COA5: variants seen among roughly 807,000 people sequenced by gnomAD.
COA5 encodes protein C2orf64.
In COA5, 11 loss-of-function variants were observed where a neutral mutation model predicts 11.8. The observed-to-expected ratio is 0.93, with a 90% CI of 0.59 to 1.54. COA5 has a LOEUF of 1.54. Ranked by LOEUF, COA5 falls within the 40% of genes most tolerant of loss-of-function variation. The pLI is 0.00. For missense variants in COA5, 87 were observed against 89.2 expected, an observed-to-expected ratio of 0.97 and a Z score of 0.10; for synonymous variants, 38 against 37.5, an observed-to-expected ratio of 1.01 and a Z score of -0.05.
intron 1 of COA5, among the ~76,000 whole-genome samples, chr2:98,607,559 AT>A (rs976490683): frequency 5.9e-5 from 9 of 152,146 alleles, no homozygotes; most frequent in Admixed American, 5.9e-4. Context: ...CTGAAACTAC[AT>A]CCCCCAATGC....
In COA5 at chr2:98,608,274, G is replaced by A. The variant is rs755412859; in HGVS notation, c.99+33C>T. 5 of 1,514,068 alleles carry A rather than the reference G, an allele frequency of 3.3e-6. No homozygotes were observed. The Middle Eastern group carries it at 6.2e-4, about 188-fold the overall frequency. 93.8% of individuals were successfully genotyped at this position (1,514,068 alleles called of 1,614,324 possible). A position where few individuals can be genotyped will look rare whatever the true frequency, so the allele number is the denominator to read the frequency against. ...CGAGCCAGGCCTGCCTGGGACAGGG[G>A]TCGTCACCACCGGGAGCGCCCGGCC... On this transcript the variant is annotated intron_variant, in intron 1 of 2. Coordinates refer to ENST00000328709, the MANE Select transcript of COA5 (RefSeq NM_001008215.3).
chr2:98,602,259 G>A (rs1323791322), intron 2 of COA5: 2 of 152,086 alleles, frequency 1.3e-5, no homozygotes, highest in African/African-American at 4.8e-5. Flanking sequence ...TATATTTCTG[G>A]GTTTTTTGCC....
At chr2:98,607,262 G>A (rs1700719657) in intron 1 of COA5, among the ~76,000 whole-genome samples, 1 of 152,204 alleles carries the variant, frequency 6.6e-6, no homozygotes, top group African/African-American at 2.4e-5. Context: ...TTTACCAGGA[G>A]CTGGCTGAAC....
At chr2:98,603,402 A>T (rs545384707) in intron 2 of COA5, among the ~76,000 whole-genome samples, 5 of 152,070 alleles carry the variant, frequency 3.3e-5, no homozygotes, top group Non-Finnish European at 7.4e-5. Flanking sequence ...AATCTCTTGA[A>T]CCCAGGAGGC....
chr2:98,608,323 G>A lies in COA5; in HGVS notation c.83C>T (p.Ser28Leu). Residue 28 changes from serine to leucine, a missense_variant, in exon 1 of 3, where the codon TCG (serine) becomes TTG (leucine). Ser to Leu is a moderately radical substitution (Grantham distance 145, BLOSUM62 -2). Coordinates refer to ENST00000328709, the MANE Select transcript of COA5 (RefSeq NM_001008215.3). Reference protein sequence around the residue: ...KEDLGACLLQSDCVVQEGKSP... With the variant: ...KEDLGACLLQLDCVVQEGKSP... ...CCGCGCTACCTGGACCACACAGTCC[G>A]ACTGCAGCAGACACGCGCCCAGGTC... 1 of 1,606,038 alleles carries A rather than the reference G, an allele frequency of 6.2e-7. No individual in the cohort carries two copies. The highest frequency in any genetic ancestry group is 1.1e-5 in the South Asian group (1 of 90,008).
In COA5 at chr2:98,604,203, AC is replaced by A. The variant is rs1403653452; in HGVS notation, c.100-13del. On this transcript the variant is annotated splice_polypyrimidine_tract_variant and intron_variant, in intron 1 of 2. Transcript: ENST00000328709. ...GGTGATTTTCCTTCCTATGACAGAC[AC>A]ATAAAACAATATAAACACCTTGGAA... 2 of 1,597,306 alleles carry A rather than the reference AC, an allele frequency of 1.3e-6. No individual in the cohort carries two copies. Among genetic ancestry groups the A allele is most frequent in the East Asian group, 2.2e-5 (1 of 44,768 alleles).
chr2:98,603,772 A>G (rs1234715454), intron 2 of COA5, among the ~76,000 whole-genome samples: 1 of 152,194 alleles, frequency 6.6e-6, no homozygotes, highest in Admixed American at 6.5e-5. Flanking sequence ...GGAGCTCCAC[A>G]TTATATGTTT....
Position 98,599,420 on chromosome 2 carries a change from A to G in COA5, c.*1332T>C, listed in dbSNP as rs553887600. 7.9e-5 allele frequency: 12 copies of G among 152,308 alleles called. No individual in the cohort carries two copies. The highest frequency in any genetic ancestry group is 3.3e-4 in the Admixed American group (5 of 15,304). The allele number at this position is 152,308 out of a possible 1,614,324, so 9.4% of individuals were successfully genotyped here. On this transcript the variant is annotated 3_prime_UTR_variant, in exon 3 of 3. Transcript: ENST00000328709. ...TATAATATACATTTTAGAGTTGTTT[A>G]CTTTTATTAATAAAAAGTTAGATCA...
chr2:98,608,363 C>G lies in COA5; in HGVS notation c.43G>C (p.Ala15Pro), dbSNP rs750127731. Residue 15 changes from alanine (A) to proline (P), a missense_variant, in exon 1 of 3, where the codon GCG becomes CCG. By Grantham distance (27) the Ala-to-Pro change is conservative. Transcript: ENST00000328709. Reference protein sequence around the residue: ...YEDKPQGGACAGLKEDLGACL... With the variant: ...YEDKPQGGACPGLKEDLGACL... ...GCGCCCAGGTCCTCCTTCAGGCCCG[C>G]GCACGCGCCGCCCTGCGGCTTGTCC... The G allele has an allele frequency of 6.2e-7, 1 of 1,609,660 alleles. No individual in the cohort carries two copies. The highest frequency in any genetic ancestry group is 1.7e-5 in the Admixed American group (1 of 59,728).
At chr2:98,602,053 A>T (rs1039723228) in intron 2 of COA5, among the ~76,000 whole-genome samples, 1 of 152,220 alleles carries the variant, frequency 6.6e-6, no homozygotes, top group East Asian at 1.9e-4. Flanking sequence ...GTGTGGACAG[A>T]CAGCCATTTA....
At chr2:98,604,946 G>A (rs1027376141) in intron 1 of COA5, among the ~76,000 whole-genome samples, 2 of 152,212 alleles carry the variant, frequency 1.3e-5, no homozygotes, top group Admixed American at 6.5e-5. Flanking sequence ...TTCTGCTGGT[G>A]GGATGTGTTG....
intron 2 of COA5, chr2:98,602,668 G>T: frequency 6.5e-6 from 1 of 153,824 alleles, no homozygotes; most frequent in South Asian, 1.9e-4. Flanking sequence ...AAAAAAAAGG[G>T]TCCCTAAGGT....
Position 98,608,346 on chromosome 2 carries a change from G to A in COA5, c.60C>T (p.Asp20=). The change falls in exon 1 of 3, where the codon GAC becomes GAT. Residue 20 remains aspartate (D), a synonymous_variant. Transcript: ENST00000328709. The stretch of plus-strand genomic sequence containing the variant: ...CCGACTGCAGCAGACACGCGCCCAG[G>A]TCCTCCTTCAGGCCCGCGCACGCGC... ...QGGACAGLKE[D]LGACLLQSDC... is the part of the protein sequence containing the mutation. 6.2e-7 allele frequency: 1 copy of A among 1,609,636 alleles called. No individual in the cohort carries two copies. Among genetic ancestry groups the A allele is most frequent in the Non-Finnish European group, 8.5e-7 (1 of 1,178,790 alleles).
chr2:98,600,901 C>T (rs1006403034), intron 2 of COA5, 108 bp from the exon 3 acceptor site: 1 of 745,112 alleles, frequency 1.3e-6, no homozygotes, highest in African/African-American at 1.8e-5. Flanking sequence ...CAGTTATTAG[C>T]AAAATCAAAA....
rs533469628 is a variant in COA5, at chr2:98,599,402, T to C, written c.*1350A>G. 1 of 152,324 alleles carries C rather than the reference T, an allele frequency of 6.6e-6. No individual in the cohort carries two copies. The highest frequency in any genetic ancestry group is 2.1e-4 in the South Asian group (1 of 4,828). The allele number at this position is 152,324 out of a possible 1,614,324, so 9.4% of individuals were successfully genotyped here. Reference sequence around the variant, plus strand: ...ACAAAGATGACAGGGCTTTATAATATACATTTTAGAGTTGTTTACTTTTAT... The same window carrying C: ...ACAAAGATGACAGGGCTTTATAATACACATTTTAGAGTTGTTTACTTTTAT... On this transcript the variant is annotated 3_prime_UTR_variant, in exon 3 of 3. Transcript: ENST00000328709.
intron 1 of COA5, 164 bp from the exon 2 acceptor site, chr2:98,604,355 G>T: frequency 1.6e-6 from 1 of 609,184 alleles, no homozygotes; most frequent in Non-Finnish European, 2.9e-6. Context: ...GGTGCCTAAA[G>T]AATGAAAAAA....
intron 1 of COA5, among the ~76,000 whole-genome samples, chr2:98,605,418 C>A (rs936010741): frequency 6.6e-6 from 1 of 152,138 alleles, no homozygotes; most frequent in Non-Finnish European, 1.5e-5. Context: ...AGAGTAACAC[C>A]CTACTTGCTA....
In COA5 at chr2:98,600,681, G is replaced by A; in HGVS notation, c.*71C>T. The A allele has an allele frequency of 7.4e-7, 1 of 1,353,230 alleles. No individual in the cohort carries two copies. Among genetic ancestry groups the A allele is most frequent in the Non-Finnish European group, 1.0e-6 (1 of 956,474 alleles). 83.8% of individuals were successfully genotyped at this position (1,353,230 alleles called of 1,614,324 possible). On this transcript the variant is annotated 3_prime_UTR_variant, in exon 3 of 3. Transcript: ENST00000328709. Reference sequence around the variant, plus strand: ...AGATGTAGTAAAAAGTATGTTTCCTGTTTTGGCTTCTTTGTGTTAATGACC... The same window carrying A: ...AGATGTAGTAAAAAGTATGTTTCCTATTTTGGCTTCTTTGTGTTAATGACC...
At chr2:98,607,168 A>G (rs1012475023) in intron 1 of COA5, among the ~76,000 whole-genome samples, 1 of 152,172 alleles carries the variant, frequency 6.6e-6, no homozygotes, top group African/African-American at 2.4e-5. Flanking sequence ...CTCCCATGAC[A>G]CCAAGCTTAC....
Sources: gnomAD v4.1 joint callset for allele counts (sites outside exome capture counted in the v4.1 genomes callset) on GRCh38, gnomAD v4.1.1 for gene constraint, MANE v1.5 for transcripts, NCBI Gene and HGNC (gene_info 2026-07-23, HGNC 2026-07-21) for gene names.